The following CTBP1 variants were observed in gnomAD, a reference collection of about 807,000 sequenced individuals.
CTBP1 encodes the protein C-terminal-binding protein 1.
A neutral mutation model predicts 42.1 loss-of-function variants in CTBP1; 11 were observed. The observed-to-expected ratio is 0.26, with a 90% CI of 0.16 to 0.43. CTBP1 has a LOEUF of 0.43. Among genes scored for constraint, CTBP1 ranks in the 20% least tolerant of loss-of-function variants. The probability of loss-of-function intolerance (pLI) is 1.00; values close to 1 mark genes in which losing one functional copy is unlikely to be tolerated. For missense variants in CTBP1, 399 were observed against 624.3 expected (o/e 0.64, Z 3.85); for synonymous variants, 324 against 277.1 (o/e 1.17, Z -1.68).
At chr4:1,232,458 C>T (rs765823669) in intron 3 of CTBP1, among the ~76,000 whole-genome samples, 9 of 151,940 alleles carry the variant, frequency 5.9e-5, no homozygotes, top group East Asian at 1.9e-4. Context: ...ACTACAGGCG[C>T]GCACCACCAC....
chr4:1,234,163 C>T (rs1250109), intron 3 of CTBP1, among the ~76,000 whole-genome samples: 107,288 of 152,182 alleles, frequency 0.7, 39,887 homozygotes, highest in Non-Finnish European at 0.84. Context: ...CTGCGAAACG[C>T]GGACTCGGCA....
At position 1,249,059 on chromosome 4, in the gene CTBP1, C is replaced by G; in HGVS notation, c.-332G>C. 2.3e-6 allele frequency: 1 copy of G among 425,628 alleles called. No homozygotes were observed. Among genetic ancestry groups the G allele is most frequent in the Non-Finnish European group, 3.1e-6 (1 of 321,380 alleles). 26.4% of individuals were successfully genotyped at this position (425,628 alleles called of 1,614,324 possible). On this transcript the variant is annotated 5_prime_UTR_variant, in exon 1 of 10. Transcript: ENST00000382952. ...GGCGCCGTCCGCTGCTCCGCCCGCCCGCCTGCGCCTGGCCGCCGCCGTGCC... is the reference window on the plus strand; with the variant it reads ...GGCGCCGTCCGCTGCTCCGCCCGCCGGCCTGCGCCTGGCCGCCGCCGTGCC...
Position 1,213,049 on chromosome 4 carries a change from A to G in CTBP1, c.989-19T>C, listed in dbSNP as rs770668032. On this transcript the variant is annotated intron_variant, in intron 8 of 9. Coordinates refer to ENST00000382952, the MANE Select transcript of CTBP1 (RefSeq NM_001012614.2). The stretch of plus-strand genomic sequence containing the variant: ...ATCCGGCCTGGGAGATGCAGGAGGA[A>G]GGAACAGCTGTGGCTCTGAGGGGGC... The G allele has an allele frequency of 3.1e-6, 5 of 1,610,580 alleles. No homozygotes were observed. Among genetic ancestry groups the G allele is most frequent in the Admixed American group, 1.7e-5 (1 of 59,936 alleles).
At chr4:1,224,580 TGATGTCTGTGTGTGCCAC>T (rs1468534535) in intron 5 of CTBP1, among the ~76,000 whole-genome samples, 1 of 151,290 alleles carries the variant, frequency 6.6e-6, no homozygotes, top group Non-Finnish European at 1.5e-5. Context: ...CATCCGTGTG[TGATGTCTGTGTGTGCCAC>T]GATGTCTTGT....
intron 5 of CTBP1, chr4:1,221,969 C>A: frequency 6.4e-6 from 2 of 310,262 alleles, no homozygotes; most frequent in South Asian, 2.4e-5. Flanking sequence ...CCCTAGTCTG[C>A]GCCGAGTGGC....
chr4:1,246,653 G>C (rs895109062), intron 1 of CTBP1, among the ~76,000 whole-genome samples: 1 of 152,174 alleles, frequency 6.6e-6, no homozygotes, highest in African/African-American at 2.4e-5. Flanking sequence ...CATTCTGGGG[G>C]TACTGGCCGC....
At chr4:1,223,701 C>G (rs1184168214) in intron 5 of CTBP1, among the ~76,000 whole-genome samples, 1 of 151,992 alleles carries the variant, frequency 6.6e-6, no homozygotes, top group African/African-American at 2.4e-5. Flanking sequence ...CACCTTCCCA[C>G]CCCACACCTG....
intron 3 of CTBP1, among the ~76,000 whole-genome samples, chr4:1,234,320 T>G (rs1731264646): frequency 6.6e-6 from 1 of 152,224 alleles, no homozygotes; most frequent in Non-Finnish European, 1.5e-5. Flanking sequence ...GCTCTCCTAG[T>G]TCTTGGGGGC....
chr4:1,224,412 T>C (rs572566042), intron 5 of CTBP1, among the ~76,000 whole-genome samples: 4 of 149,622 alleles, frequency 2.7e-5, no homozygotes, highest in Admixed American at 6.6e-5. Context: ...CCATGTGTGC[T>C]GTGTGAGGCT....
chr4:1,245,256 A>G, intron 1 of CTBP1: 1 of 985,402 alleles, frequency 1.0e-6, no homozygotes, highest in South Asian at 4.7e-5. Flanking sequence ...AGGGGCTGTG[A>G]TCAAAGGCAT....
rs574065260 is a variant in CTBP1 at position 1,219,366 on chromosome 4, T to A, written c.515-3161A>T. On this transcript the variant is annotated intron_variant, in intron 5 of 9. Transcript: ENST00000382952. ...GACCTTGTCTCTGAATGAATGAATA[T>A]AAGAACAGAGATAAGCTAAAATTAA... is the stretch of plus-strand genomic sequence containing the variant. 2.7e-4 allele frequency among the ~76,000 whole-genome samples: 41 copies of A among 151,970 alleles called. No homozygotes were observed. In the South Asian group the frequency reaches 8.1e-3, roughly 30 times the overall value.
In CTBP1 at chr4:1,248,235, G is replaced by C. The variant is rs544783368; in HGVS notation, c.-189+681C>G. ...GGGCGGGCCCAGGCAAGGGCAGGTGGGGGCGCTGGGCCGGTCCGGGACCTC... is the reference window on the plus strand; with the variant it reads ...GGGCGGGCCCAGGCAAGGGCAGGTGCGGGCGCTGGGCCGGTCCGGGACCTC... On this transcript the variant is annotated intron_variant, in intron 1 of 9. Transcript: ENST00000382952. 7.2e-5 allele frequency among the ~76,000 whole-genome samples: 11 copies of C among 152,004 alleles called. No individual in the cohort carries two copies. In the East Asian group the frequency reaches 2.1e-3, roughly 29 times the overall value.
At chr4:1,231,873 C>G (rs1426894745) in intron 3 of CTBP1, among the ~76,000 whole-genome samples, 1 of 152,242 alleles carries the variant, frequency 6.6e-6, no homozygotes, top group Non-Finnish European at 1.5e-5. Context: ...ACGGCTGGTG[C>G]AGGGCTCAGC....
Position 1,238,176 on chromosome 4 carries a change from G to A in CTBP1, c.162+7C>T. 6.2e-7 allele frequency: 1 copy of A among 1,612,898 alleles called. No individual in the cohort carries two copies. Among genetic ancestry groups the A allele is most frequent in the Non-Finnish European group, 8.5e-7 (1 of 1,179,854 alleles). ...TCTGCCAGCCCCAGGCGACCACGTGGTGGTACCTTCTCATGGATCTCCTGC... is the reference window on the plus strand; with the variant it reads ...TCTGCCAGCCCCAGGCGACCACGTGATGGTACCTTCTCATGGATCTCCTGC... On this transcript the variant is annotated splice_region_variant and intron_variant, in intron 3 of 9. Coordinates refer to ENST00000382952, the MANE Select transcript of CTBP1 (RefSeq NM_001012614.2). This position sits in a 1 kb window ranked among gnomAD's most constrained non-coding sequence, Gnocchi z 5.9.
intron 1 of CTBP1, chr4:1,245,652 G>A: frequency 1.9e-5 from 19 of 984,426 alleles, no homozygotes; most frequent in Non-Finnish European, 2.2e-5. Context: ...GACGGGCAGG[G>A]TGACACGGGC....
rs1560280270 is a variant in CTBP1 at position 1,241,369 on chromosome 4, G to C, written c.-38C>G. The C allele has an allele frequency of 2.8e-6, 3 of 1,074,298 alleles. No individual in the cohort carries two copies. Among genetic ancestry groups the C allele is most frequent in the African/African-American group, 1.5e-5 (1 of 64,638 alleles). 66.5% of individuals were successfully genotyped at this position (1,074,298 alleles called of 1,614,324 possible). On this transcript the variant is annotated 5_prime_UTR_variant, in exon 2 of 10. Coordinates refer to ENST00000382952, the MANE Select transcript of CTBP1 (RefSeq NM_001012614.2). Reference sequence around the variant, plus strand: ...GCTCAGCTTCCACGACCATGAATTCGACTTTTCAAAGCTTTTTATCTTCAG... The same window carrying C: ...GCTCAGCTTCCACGACCATGAATTCCACTTTTCAAAGCTTTTTATCTTCAG...
chr4:1,221,798 G>A (rs1247156065), intron 5 of CTBP1: 3 of 445,548 alleles, frequency 6.7e-6, no homozygotes, highest in Non-Finnish European at 1.4e-5. Context: ...ACGTGCTGGT[G>A]GGTTCATGGG....
At chr4:1,220,885 A>G (rs535273933) in intron 5 of CTBP1, among the ~76,000 whole-genome samples, 1 of 152,338 alleles carries the variant, frequency 6.6e-6, no homozygotes, top group East Asian at 1.9e-4. Context: ...AAACACAGAG[A>G]ACCTGTTACC....
At chr4:1,232,026 T>C (rs1181001993) in intron 3 of CTBP1, among the ~76,000 whole-genome samples, 2 of 152,264 alleles carry the variant, frequency 1.3e-5, no homozygotes, top group African/African-American at 4.8e-5. Flanking sequence ...CTGTTTCTAC[T>C]GATTGGGAGG....
Sources: allele counts gnomAD v4.1 joint callset (sites outside exome capture counted in the v4.1 genomes callset), GRCh38; gene constraint gnomAD v4.1.1; non-coding constraint Gnocchi (gnomAD v3.1); transcripts MANE v1.5; gene names NCBI Gene and HGNC (gene_info 2026-07-23, HGNC 2026-07-21).